TTC17: variants seen among roughly 807,000 people sequenced by gnomAD.
TTC17 encodes tetratricopeptide repeat domain 17.
In TTC17, 58 loss-of-function variants were observed where a neutral mutation model predicts 143.8. The ratio of observed to expected loss-of-function variants is 0.40; its 90% CI spans 0.33 to 0.50. The LOEUF (loss-of-function observed/expected upper bound fraction) is 0.50, where lower values mean the gene tolerates loss of function less well. Among genes scored for constraint, TTC17 ranks in the 20% least tolerant of loss-of-function variants. The probability of loss-of-function intolerance (pLI) is 0.49; values close to 1 mark genes in which losing one functional copy is unlikely to be tolerated. For synonymous variants in TTC17, 501 were observed against 497.8 expected, an observed-to-expected ratio of 1.01 and a Z score of -0.09; for missense variants, 1,273 against 1,392.5, an observed-to-expected ratio of 0.91 and a Z score of 1.37.
In TTC17 at chr11:43,407,207, A is replaced by T; in HGVS notation, c.1831A>T (p.Ile611Phe). Residue 611 changes from isoleucine (I) to phenylalanine (F), a missense_variant, in exon 14 of 24, where the codon ATT becomes TTT. Ile to Phe is a conservative substitution (Grantham distance 21). Transcript: ENST00000039989. ...EEIGSFLFHA[I>F]NKPNAPIWLI... is the part of the protein sequence containing the mutation. ...AATTGGGTCTTTCTTATTTCATGCT[A>T]TTAATAAGGTGAGTCATTTACTTTA... 1 of 1,595,326 alleles carries T rather than the reference A, an allele frequency of 6.3e-7. No homozygotes were observed.
intron 16 of TTC17, among the ~76,000 whole-genome samples, chr11:43,425,535 A>G (rs1412808195): frequency 1.3e-5 from 2 of 152,082 alleles, no homozygotes; most frequent in Admixed American, 1.3e-4. Flanking sequence ...TCATTGTATG[A>G]TCTCTACTCA....
chr11:43,448,070 G>A lies in TTC17; in HGVS notation c.2734G>A (p.Glu912Lys). 1 of 1,614,168 alleles carries A rather than the reference G, an allele frequency of 6.2e-7. No individual in the cohort carries two copies. Among genetic ancestry groups the A allele is most frequent in the Non-Finnish European group, 8.5e-7 (1 of 1,180,008 alleles). Residue 912 changes from glutamate to lysine, a missense_variant, in exon 19 of 24, where the codon GAG becomes AAG. Physicochemically the swap from Glu to Lys is moderately conservative, Grantham distance 56 (BLOSUM62 1). Around this residue, in one of 3 missense-constraint regions of TTC17, gnomAD observed 878 missense variants for 899.8 expected, o/e 0.98. Coordinates refer to ENST00000039989, the MANE Select transcript of TTC17 (RefSeq NM_018259.6). ...PDECLKLRWVELTAIVSTWLA... is the reference protein window; with the variant it reads ...PDECLKLRWVKLTAIVSTWLA... ...CGAATGCCTCAAACTCCGCTGGGTAGAGCTGACTGCCATCGTGAGTACCTG... is the reference window on the plus strand; with the variant it reads ...CGAATGCCTCAAACTCCGCTGGGTAAAGCTGACTGCCATCGTGAGTACCTG...
At chr11:43,426,847 T>C (rs2134666523) in intron 16 of TTC17, among the ~76,000 whole-genome samples, 1 of 152,300 alleles carries the variant, frequency 6.6e-6, no homozygotes, top group South Asian at 2.1e-4. Context: ...ATATCCTTGC[T>C]CTAGGGAAAA....
At chr11:43,402,221 A>G (rs1354019828) in intron 10 of TTC17, among the ~76,000 whole-genome samples, 1 of 152,014 alleles carries the variant, frequency 6.6e-6, no homozygotes, top group East Asian at 1.9e-4. Context: ...TTATTATTGA[A>G]CTCAAAGCTT....
intron 21 of TTC17, among the ~76,000 whole-genome samples, chr11:43,462,123 C>G (rs1243572984): frequency 6.6e-6 from 1 of 151,072 alleles, no homozygotes; most frequent in East Asian, 1.9e-4. Flanking sequence ...ATAACTATAC[C>G]CTTGTCAGAA....
intron 21 of TTC17, among the ~76,000 whole-genome samples, chr11:43,486,085 G>T (rs1422731655): frequency 6.6e-6 from 1 of 151,922 alleles, no homozygotes; most frequent in African/African-American, 2.4e-5. Flanking sequence ...AACACAACAT[G>T]AATGAATCTT....
intron 21 of TTC17, chr11:43,468,079 A>G (rs1564977047): frequency 6.6e-6 from 1 of 152,192 alleles, no homozygotes; most frequent in Non-Finnish European, 1.5e-5. Flanking sequence ...CAAAAACAAA[A>G]GACAGAGAAT....
chr11:43,492,622 C>T (rs1948494169), intron 23 of TTC17, among the ~76,000 whole-genome samples: 1 of 152,220 alleles, frequency 6.6e-6, no homozygotes, highest in Non-Finnish European at 1.5e-5. Context: ...CTCTAGCCTA[C>T]GGGCTCATTG....
At chr11:43,417,065 T>C (rs1487351386) in intron 16 of TTC17, among the ~76,000 whole-genome samples, 1 of 152,208 alleles carries the variant, frequency 6.6e-6, no homozygotes, top group East Asian at 1.9e-4. Context: ...TCATTAGTAG[T>C]AGTGAAACAA....
intron 21 of TTC17, among the ~76,000 whole-genome samples, chr11:43,472,666 CCTAA>C (rs1489203286): frequency 6.6e-6 from 1 of 151,924 alleles, no homozygotes; most frequent in African/African-American, 2.4e-5. Context: ...GCAAACTTGA[CCTAA>C]CTGATATTTC....
chr11:43,401,980 A>AAAATAAATAAATAAAT (rs35991566), intron 10 of TTC17, among the ~76,000 whole-genome samples: 13 of 140,366 alleles, frequency 9.3e-5, no homozygotes, highest in Non-Finnish European at 1.7e-4. Context: ...TGTGTCTCAA[A>AAAATAAATAAATAAAT]AAATAAATAA....
intron 16 of TTC17, among the ~76,000 whole-genome samples, 176 bp downstream of exon 16, chr11:43,414,952 A>T (rs1443851294): frequency 1.3e-5 from 2 of 152,198 alleles, no homozygotes; most frequent in African/African-American, 4.8e-5. Flanking sequence ...GCCTTAGGGT[A>T]TTAAGGCTTA....
intron 10 of TTC17, among the ~76,000 whole-genome samples, chr11:43,403,357 C>T (rs1857957794): frequency 6.6e-6 from 1 of 152,158 alleles, no homozygotes. Context: ...TTCCTTTTGT[C>T]TTTCCTACCC....
intron 8 of TTC17, among the ~76,000 whole-genome samples, chr11:43,399,300 A>C (rs1857747432): frequency 6.6e-6 from 1 of 152,244 alleles, no homozygotes; most frequent in Admixed American, 6.5e-5. Flanking sequence ...GAGTTGTTAA[A>C]TACATAAACT....
intron 16 of TTC17, among the ~76,000 whole-genome samples, chr11:43,431,688 C>A (rs1029112921): frequency 1.3e-5 from 2 of 152,206 alleles, no homozygotes; most frequent in Admixed American, 1.3e-4. Context: ...TCTCAACAAC[C>A]TAATGAAATG....
At chr11:43,476,647 C>G (rs2134848969) in intron 21 of TTC17, among the ~76,000 whole-genome samples, 1 of 152,340 alleles carries the variant, frequency 6.6e-6, no homozygotes, top group African/African-American at 2.4e-5. Flanking sequence ...ATGTTGGCCT[C>G]TTTCAGCCAT....
intron 14 of TTC17, 55 bp downstream of exon 14, chr11:43,407,270 A>G: frequency 1.3e-6 from 2 of 1,557,148 alleles, no homozygotes; most frequent in Non-Finnish European, 1.7e-6. Flanking sequence ...TTATAAGTAA[A>G]AGTTAAAATG....
intron 16 of TTC17, among the ~76,000 whole-genome samples, chr11:43,417,178 T>G (rs191749530): frequency 1.3e-5 from 2 of 152,190 alleles, no homozygotes; most frequent in Non-Finnish European, 2.9e-5. Flanking sequence ...TTTGAAAAGC[T>G]AAAACTTGAA....
At chr11:43,442,811 T>C (rs957432281) in intron 16 of TTC17, among the ~76,000 whole-genome samples, 3 of 152,232 alleles carry the variant, frequency 2.0e-5, no homozygotes, top group African/African-American at 7.2e-5. Flanking sequence ...CTATTTCTTA[T>C]ATCAGCCATT....
Sources: gnomAD v4.1 joint callset for allele counts (sites outside exome capture counted in the v4.1 genomes callset) on GRCh38, gnomAD v4.1.1 for gene constraint, gnomAD v4.1.1 regional missense constraint, MANE v1.5 for transcripts, NCBI Gene and HGNC (gene_info 2026-07-23, HGNC 2026-07-21) for gene names.